RIMBP2: variants seen among roughly 807,000 people sequenced by gnomAD.
The protein encoded by RIMBP2 is RIMS binding protein 2.
Under a neutral mutation model 118.6 loss-of-function variants are expected in RIMBP2, and 48 were observed. The ratio of observed to expected loss-of-function variants is 0.40; its 90% CI spans 0.32 to 0.51. The LOEUF (loss-of-function observed/expected upper bound fraction) is 0.51. RIMBP2 is among the 20% of genes least tolerant of loss of function. The probability of loss-of-function intolerance (pLI) is 0.41; values close to 1 mark genes in which losing one functional copy is unlikely to be tolerated. For synonymous variants in RIMBP2, 762 were observed against 742.9 expected (o/e 1.03, Z -0.42); for missense variants, 1,551 against 1,768.3 (o/e 0.88, Z 2.20).
Position 130,532,632 on chromosome 12 carries a change from G to GGGAC in RIMBP2, c.-216-14716_-216-14715insGTCC, listed in dbSNP as rs1354314216. ...AGATGCGTATGCTTAGCCTCTAGGA[G>GGGAC]GTACGTCTAATGAGATGCATGTGTT... is the stretch of plus-strand genomic sequence containing the variant. On this transcript the variant is annotated intron_variant, in intron 2 of 22. Transcript: ENST00000690449. 1.6e-4 allele frequency among the ~76,000 whole-genome samples: 22 copies of GGGAC among 141,638 alleles called. 8 individuals are homozygous for GGGAC. The highest frequency in any genetic ancestry group is 2.1e-4 in the Admixed American group (3 of 14,096). The allele number at this position is 141,638 out of a possible 152,430, so 92.9% of individuals were successfully genotyped here.
rs967857346 is a variant in RIMBP2, at chr12:130,621,615, G to T, written c.-217+6707C>A. Among the ~76,000 whole-genome samples, 12 of 152,148 alleles carry T rather than the reference G, an allele frequency of 7.9e-5. No homozygotes were observed. The highest frequency in any genetic ancestry group is 2.9e-4 in the African/African-American group (12 of 41,428). ...ATAGCAAGCCCCAAGGCCTCTCTGA[G>T]CCCACGGCTATATCAGCAGCCTCAT... On this transcript the variant is annotated intron_variant, in intron 2 of 22. Coordinates refer to ENST00000690449, the MANE Select transcript of RIMBP2 (RefSeq NM_001393629.1). The surrounding 1 kb of genome is among the most constrained non-coding windows in gnomAD (Gnocchi z 6.6).
Position 130,456,489 on chromosome 12 carries a change from C to A in RIMBP2, c.358+7G>T, listed in dbSNP as rs201924450. ...CCACAGCCAAGGCGGAAGGTCCAGG[C>A]GCTTACCTTTGCCGAGGGAGGTGGC... is the stretch of plus-strand genomic sequence containing the variant. On this transcript the variant is annotated splice_region_variant and intron_variant, in intron 7 of 22. Coordinates refer to ENST00000690449, the MANE Select transcript of RIMBP2 (RefSeq NM_001393629.1). 1 of 1,574,430 alleles carries A rather than the reference C, an allele frequency of 6.4e-7. No individual in the cohort carries two copies. Among genetic ancestry groups the A allele is most frequent in the Non-Finnish European group, 8.7e-7 (1 of 1,155,194 alleles).
intron 1 of RIMBP2, among the ~76,000 whole-genome samples, chr12:130,712,784 A>C (rs1237190757): frequency 6.6e-6 from 1 of 152,086 alleles, no homozygotes; most frequent in African/African-American, 2.4e-5. Context: ...CAGTGGGTTC[A>C]CCCACACCAT....
chr12:130,470,731 C>T lies in RIMBP2; in HGVS notation c.115G>A (p.Ala39Thr). ...IDLLQKAQVE[A>T]KKEHEGAVRL... is the part of the protein sequence containing the mutation. The stretch of plus-strand genomic sequence containing the variant: ...ACTGCGCCTTCATGCTCCTTCTTAG[C>T]CTCAACCTGAGCCTTTTTTATGATG... The change falls in exon 6 of 23, where the codon GCT becomes ACT. Residue 39 changes from alanine (A) to threonine (T), a missense_variant. By Grantham distance (58) the Ala-to-Thr change is moderately conservative. Coordinates refer to ENST00000690449, the MANE Select transcript of RIMBP2 (RefSeq NM_001393629.1). 1 of 1,231,936 alleles carries T rather than the reference C, an allele frequency of 8.1e-7. No homozygotes were observed. The highest frequency in any genetic ancestry group is 1.0e-6 in the Non-Finnish European group (1 of 987,880). The allele number at this position is 1,231,936 out of a possible 1,614,324, so 76.3% of individuals were successfully genotyped here. A position where few individuals can be genotyped will look rare whatever the true frequency, so the allele number is the denominator to read the frequency against.
rs111665922 is a variant in RIMBP2 at position 130,431,268 on chromosome 12, G to A, written c.2254-2931C>T. On this transcript the variant is annotated intron_variant, in intron 14 of 22. Coordinates refer to ENST00000690449, the MANE Select transcript of RIMBP2 (RefSeq NM_001393629.1). The surrounding 1 kb of genome is among the most constrained non-coding windows in gnomAD (Gnocchi z 4.0). ...GGAGGCTTCCACCCACTAGAACATC[G>A]GTGTCTTGGAGCAGATGGGATAGCG... 0.011 allele frequency among the ~76,000 whole-genome samples: 1,676 copies of A among 152,118 alleles called. 33 individuals carry two copies. Among genetic ancestry groups the A allele is most frequent in the African/African-American group, 0.039 (1,607 of 41,476 alleles).
Position 130,683,297 on chromosome 12 carries a change from A to G in RIMBP2, c.-352+32925T>C, listed in dbSNP as rs991067094. ...CAAGGATGCCAAGGACAGCCGGGGAACGCAGGGAGCCAGGCTCCCCACAGA... is the reference window on the plus strand; with the variant it reads ...CAAGGATGCCAAGGACAGCCGGGGAGCGCAGGGAGCCAGGCTCCCCACAGA... On this transcript the variant is annotated intron_variant, in intron 1 of 22. Coordinates refer to ENST00000690449, the MANE Select transcript of RIMBP2 (RefSeq NM_001393629.1). The surrounding 1 kb of genome is among the most constrained non-coding windows in gnomAD (Gnocchi z 4.4). 6.6e-6 allele frequency among the ~76,000 whole-genome samples: 1 copy of G among 152,206 alleles called. No homozygotes were observed. Among genetic ancestry groups the G allele is most frequent in the Admixed American group, 6.5e-5 (1 of 15,282 alleles).
In RIMBP2 at chr12:130,623,720, G is replaced by A. The variant is rs974073427; in HGVS notation, c.-217+4602C>T. Among the ~76,000 whole-genome samples, 1 of 152,132 alleles carries A rather than the reference G, an allele frequency of 6.6e-6. No homozygotes were observed. Among genetic ancestry groups the A allele is most frequent in the Non-Finnish European group, 1.5e-5 (1 of 68,034 alleles). On this transcript the variant is annotated intron_variant, in intron 2 of 22. Transcript: ENST00000690449. The surrounding 1 kb of genome is among the most constrained non-coding windows in gnomAD (Gnocchi z 4.1). ...GGGGCTCCATCTAGCTGAGACCCAA[G>A]CCTGACCTACATGCAGGGCAAGCAA... is the stretch of plus-strand genomic sequence containing the variant.
chr12:130,655,787 C>G (rs893770796), intron 1 of RIMBP2, among the ~76,000 whole-genome samples: 5 of 152,206 alleles, frequency 3.3e-5, no homozygotes, highest in African/African-American at 1.2e-4. Context: ...TGTTTGGACA[C>G]CATCTTGAAG....
chr12:130,616,700 T>C (rs1214384816), intron 2 of RIMBP2, among the ~76,000 whole-genome samples: 2 of 152,200 alleles, frequency 1.3e-5, no homozygotes, highest in African/African-American at 4.8e-5. Context: ...AGCCCAGGGC[T>C]GGCAGGAAGA....
At chr12:130,572,041 T>C (rs2057711908) in intron 2 of RIMBP2, among the ~76,000 whole-genome samples, 1 of 152,214 alleles carries the variant, frequency 6.6e-6, no homozygotes, top group South Asian at 2.1e-4. Flanking sequence ...GCCTTAGCCA[T>C]TGGTGTATCT....
chr12:130,428,406 C>T, intron 14 of RIMBP2, 69 bp from the exon 15 acceptor site: 1 of 1,500,926 alleles, frequency 6.7e-7, no homozygotes, highest in Non-Finnish European at 9.0e-7. Flanking sequence ...CCAGATTGAG[C>T]TTGCCAACCC....
chr12:130,519,682 C>T (rs1456905993), intron 2 of RIMBP2, among the ~76,000 whole-genome samples: 1 of 152,122 alleles, frequency 6.6e-6, no homozygotes, highest in Non-Finnish European at 1.5e-5. Flanking sequence ...GACCAACATG[C>T]CCCAAGGTAA....
chr12:130,583,655 C>T (rs778038116), intron 2 of RIMBP2, among the ~76,000 whole-genome samples: 1 of 151,650 alleles, frequency 6.6e-6, no homozygotes, highest in Non-Finnish European at 1.5e-5. Flanking sequence ...ATCACCATCA[C>T]CAACACATCA....
At chr12:130,430,271 CTCCAG>C (rs2077069649) in intron 14 of RIMBP2, 1 of 152,276 alleles carries the variant, frequency 6.6e-6, no homozygotes, top group Non-Finnish European at 1.5e-5. Context: ...CAGCTTTACC[CTCCAG>C]TCCTCAGTGG....
At chr12:130,645,557 T>G (rs1472949000) in intron 1 of RIMBP2, among the ~76,000 whole-genome samples, 1 of 152,160 alleles carries the variant, frequency 6.6e-6, no homozygotes, top group East Asian at 1.9e-4. Flanking sequence ...CAAAGTGAAC[T>G]TTAGGATTGG....
At chr12:130,580,585 C>A (rs982630915) in intron 2 of RIMBP2, among the ~76,000 whole-genome samples, 2 of 152,228 alleles carry the variant, frequency 1.3e-5, no homozygotes, top group Non-Finnish European at 2.9e-5. Flanking sequence ...AATACATCGG[C>A]TTTATTTGAA....
At chr12:130,479,731 G>A (rs1273501849) in intron 4 of RIMBP2, among the ~76,000 whole-genome samples, 1 of 151,968 alleles carries the variant, frequency 6.6e-6, no homozygotes, top group East Asian at 2.0e-4. Context: ...TTACCCCTCT[G>A]GGAAAGTCGC....
chr12:130,494,348 T>C (rs1281663441), intron 4 of RIMBP2, among the ~76,000 whole-genome samples: 1 of 152,054 alleles, frequency 6.6e-6, no homozygotes, highest in Non-Finnish European at 1.5e-5. Context: ...GCAAACGTGC[T>C]TTGAAAGATG....
At chr12:130,570,248 G>A (rs151028195) in intron 2 of RIMBP2, among the ~76,000 whole-genome samples, 1 of 151,992 alleles carries the variant, frequency 6.6e-6, no homozygotes, top group African/African-American at 2.4e-5. Flanking sequence ...ACATGGTAAA[G>A]GCCCGTCTCT....
Sources: gnomAD v4.1 joint callset for allele counts (sites outside exome capture counted in the v4.1 genomes callset) on GRCh38, gnomAD v4.1.1 for gene constraint, Gnocchi (gnomAD v3.1) non-coding constraint, MANE v1.5 for transcripts, NCBI Gene and HGNC (gene_info 2026-07-23, HGNC 2026-07-21) for gene names.